The following EPDR1 variants were observed in gnomAD, a reference collection of about 807,000 sequenced individuals.
EPDR1 encodes the protein ependymin related 1, also known as mammalian ependymin-related protein 1.
EPDR1 carries 27 observed loss-of-function variants against 23.7 expected under a neutral mutation model. The observed-to-expected ratio is 1.14, with a 90% CI of 0.84 to 1.57. The LOEUF (loss-of-function observed/expected upper bound fraction) is 1.57, where lower values mean the gene tolerates loss of function less well. Ranked by LOEUF, EPDR1 falls within the 40% of genes most tolerant of loss-of-function variation. The pLI, the probability that EPDR1 is intolerant of heterozygous loss-of-function variation, is 0.00. For missense variants in EPDR1, 349 were observed against 290.4 expected (o/e 1.20, Z -1.47); for synonymous variants, 137 against 118.2 (o/e 1.16, Z -1.03).
chr7:37,935,847 T>A (rs1038070336), intron 1 of EPDR1, among the ~76,000 whole-genome samples: 5 of 151,238 alleles, frequency 3.3e-5, no homozygotes, highest in African/African-American at 1.2e-4. Context: ...TTTGATCCAA[T>A]GATCCCATTC....
Position 37,950,350 on chromosome 7 carries a change from GCCAGATGGC to G in EPDR1, c.633_641del (p.Met212_Gln214del). ...TCGGTGTTTACCCCTCCAAGCACGTGCCAGATGGCCCAACTGGAGAAGATGAGCGAAGAC... is the reference window on the plus strand; with the variant it reads ...TCGGTGTTTACCCCTCCAAGCACGTGCCAACTGGAGAAGATGAGCGAAGAC... On this transcript the variant is annotated inframe_deletion, in exon 3 of 3. Coordinates refer to ENST00000199448, the MANE Select transcript of EPDR1 (RefSeq NM_017549.5). 6.2e-7 allele frequency: 1 copy of G among 1,613,862 alleles called. No individual in the cohort carries two copies. The highest frequency in any genetic ancestry group is 8.5e-7 in the Non-Finnish European group (1 of 1,179,876).
chr7:37,928,602 C>G (rs1562857647), intron 1 of EPDR1, among the ~76,000 whole-genome samples: 2 of 152,270 alleles, frequency 1.3e-5, no homozygotes, highest in South Asian at 4.2e-4. Context: ...TTTGATCAGT[C>G]CTCATCTTAT....
intron 1 of EPDR1, among the ~76,000 whole-genome samples, chr7:37,940,056 A>G (rs1262431731): frequency 6.6e-6 from 1 of 152,250 alleles, no homozygotes; most frequent in Non-Finnish European, 1.5e-5. Context: ...AGACTGGCTA[A>G]AGAAATAATG....
rs1454597252 is a variant in EPDR1, at chr7:37,921,155, C to T, written c.216C>T (p.Leu72=). ...GCGCCCTGCTCTCCTACGACGGGCT[C>T]AACCAGCGCGTGCGGGTGCTGGACG... ...NSRALLSYDG[L]NQRVRVLDER... Residue 72 remains leucine (L), a synonymous_variant, in exon 1 of 3, where the codon CTC becomes CTT. Transcript: ENST00000199448. 32 of 1,595,724 alleles carry T rather than the reference C, an allele frequency of 2.0e-5. No homozygotes were observed. The highest frequency in any genetic ancestry group is 2.7e-5 in the Non-Finnish European group (32 of 1,178,736).
rs1786335732 is a variant in EPDR1 at position 37,948,864 on chromosome 7, T to A, written c.294T>A (p.Tyr98Ter). 1 of 1,614,082 alleles carries A rather than the reference T, an allele frequency of 6.2e-7. No homozygotes were observed. The highest frequency in any genetic ancestry group is 8.5e-7 in the Non-Finnish European group (1 of 1,180,030). The change falls in exon 2 of 3, where the codon TAT becomes TAA. Residue 98 changes from tyrosine (Y) to a stop codon, truncating the protein, a stop_gained. Transcript: ENST00000199448. LOFTEE classifies it high-confidence loss of function. ...GATTATTTGAATATATTTTGCTGTATAAGGATGGAGTGATGTTTCAGATTG... is the reference window on the plus strand; with the variant it reads ...GATTATTTGAATATATTTTGCTGTAAAAGGATGGAGTGATGTTTCAGATTG... ...CKRLFEYILL[Y>*]KDGVMFQIDQ...
chr7:37,950,248 A>G lies in EPDR1; in HGVS notation c.527A>G (p.Gln176Arg). ...ACAGTCAAGGATTGCTATCCTGTCC[A>G]GGAAACCTTTACCATAAACTACAGT... ...IYTVKDCYPV[Q>R]ETFTINYSVI... The change falls in exon 3 of 3, where the codon CAG becomes CGG. Residue 176 changes from glutamine (Q) to arginine (R), a missense_variant. Physicochemically the swap from Gln to Arg is conservative, Grantham distance 43. Coordinates refer to ENST00000199448, the MANE Select transcript of EPDR1 (RefSeq NM_017549.5). The G allele has an allele frequency of 6.2e-7, 1 of 1,614,166 alleles. No homozygotes were observed. Among genetic ancestry groups the G allele is most frequent in the Non-Finnish European group, 8.5e-7 (1 of 1,180,018 alleles).
chr7:37,942,790 A>C (rs921395), intron 1 of EPDR1, among the ~76,000 whole-genome samples: 4,314 of 152,292 alleles, frequency 0.028, 211 homozygotes, highest in African/African-American at 0.098. Context: ...ACTAAAAAAA[A>C]ACTATTTTCA....
At position 37,950,920 on chromosome 7, in the gene EPDR1, G is replaced by C. The variant is rs1484757942; in HGVS notation, c.*524G>C. 6.6e-6 allele frequency: 1 copy of C among 152,120 alleles called. No individual in the cohort carries two copies. The highest frequency in any genetic ancestry group is 1.5e-5 in the Non-Finnish European group (1 of 68,102). 9.4% of individuals were successfully genotyped at this position (152,120 alleles called of 1,614,324 possible). A position where few individuals can be genotyped will look rare whatever the true frequency, so the allele number is the denominator to read the frequency against. ...CTCCACCCTGTCCCTGCACTCCCTT[G>C]GTTGCCAAAAAAATGATAACTTAAA... On this transcript the variant is annotated 3_prime_UTR_variant, in exon 3 of 3. Coordinates refer to ENST00000199448, the MANE Select transcript of EPDR1 (RefSeq NM_017549.5).
chr7:37,932,763 T>G (rs1184806509), intron 1 of EPDR1, among the ~76,000 whole-genome samples: 1 of 152,200 alleles, frequency 6.6e-6, no homozygotes. Context: ...TATTTCTTTT[T>G]GTGGTGGTGA....
At chr7:37,931,882 T>A (rs868324423) in intron 1 of EPDR1, among the ~76,000 whole-genome samples, 1 of 152,028 alleles carries the variant, frequency 6.6e-6, no homozygotes, top group African/African-American at 2.4e-5. Context: ...TATTTATTTA[T>A]TTTTTGTAGT....
chr7:37,942,828 G>A (rs562027455), intron 1 of EPDR1, among the ~76,000 whole-genome samples: 8 of 152,190 alleles, frequency 5.3e-5, no homozygotes, highest in Admixed American at 1.3e-4. Flanking sequence ...CCAGATTTTC[G>A]GTGTTTCAGA....
At chr7:37,921,479 A>G in intron 1 of EPDR1, 1 of 1,362,826 alleles carries the variant, frequency 7.3e-7, no homozygotes, top group Non-Finnish European at 9.4e-7. Context: ...CCAGGGCGGG[A>G]TCAAGCTGCA....
intron 1 of EPDR1, among the ~76,000 whole-genome samples, chr7:37,931,466 A>G (rs1293048726): frequency 6.6e-6 from 1 of 152,102 alleles, no homozygotes; most frequent in Admixed American, 6.5e-5. Flanking sequence ...GTGACCTGAG[A>G]TTGCGCCACT....
chr7:37,943,810 G>A (rs993733159), intron 1 of EPDR1, among the ~76,000 whole-genome samples: 1 of 152,102 alleles, frequency 6.6e-6, no homozygotes, highest in African/African-American at 2.4e-5. Context: ...TGATTGTTCC[G>A]GGTCTAAAAT....
At chr7:37,940,425 T>C (rs1786147812) in intron 1 of EPDR1, among the ~76,000 whole-genome samples, 2 of 152,178 alleles carry the variant, frequency 1.3e-5, no homozygotes, top group Admixed American at 6.5e-5. Flanking sequence ...AAGTGTAAAG[T>C]CCCTGAATTG....
intron 1 of EPDR1, among the ~76,000 whole-genome samples, chr7:37,922,674 G>GGC (rs1583660336): frequency 6.7e-6 from 1 of 150,328 alleles, no homozygotes; most frequent in Non-Finnish European, 1.5e-5. Context: ...CTAGGGGGGG[G>GGC]TTCTGACGCC....
Position 37,920,757 on chromosome 7 carries a change from A to G in EPDR1, c.-183A>G, listed in dbSNP as rs1289789679. The G allele has an allele frequency of 2.5e-6, 4 of 1,608,842 alleles. No homozygotes were observed. The highest frequency in any genetic ancestry group is 2.2e-5 in the South Asian group (2 of 90,156). On this transcript the variant is annotated 5_prime_UTR_variant, in exon 1 of 3. Coordinates refer to ENST00000199448, the MANE Select transcript of EPDR1 (RefSeq NM_017549.5). ...CCTTCCCCGGGCCCTGGTCCCGGCT[A>G]CCGGGACTCGCGCGTCCGGATCTCA...
At chr7:37,933,163 C>T (rs1247151559) in intron 1 of EPDR1, among the ~76,000 whole-genome samples, 4 of 152,356 alleles carry the variant, frequency 2.6e-5, no homozygotes, top group East Asian at 1.9e-4. Context: ...ACTTAGTATA[C>T]GCCAGCATGG....
Position 37,935,286 on chromosome 7 carries a change from G to T in EPDR1, c.270-13554G>T, listed in dbSNP as rs114256249. Among the ~76,000 whole-genome samples, 958 of 152,278 alleles carry T rather than the reference G, an allele frequency of 6.3e-3. 11 individuals are homozygous for T. Among genetic ancestry groups the T allele is most frequent in the African/African-American group, 0.022 (920 of 41,540 alleles). Reference sequence around the variant, plus strand: ...AGTAAGGGATCCACCATAGCACTCAGATGTTCTGTCCTTCATCTCTCTATC... The same window carrying T: ...AGTAAGGGATCCACCATAGCACTCATATGTTCTGTCCTTCATCTCTCTATC... On this transcript the variant is annotated intron_variant, in intron 1 of 2. Coordinates refer to ENST00000199448, the MANE Select transcript of EPDR1 (RefSeq NM_017549.5).
Sources: allele counts gnomAD v4.1 joint callset (sites outside exome capture counted in the v4.1 genomes callset), GRCh38; gene constraint gnomAD v4.1.1; transcripts MANE v1.5; gene names NCBI Gene and HGNC (gene_info 2026-07-23, HGNC 2026-07-21).